Variants in C3orf52 observed in about 807,000 individuals in gnomAD.
C3orf52 encodes chromosome 3 open reading frame 52.
C3orf52 carries 22 observed loss-of-function variants against 24.8 expected under a neutral mutation model. That is an observed-to-expected ratio of 0.89 (90% CI 0.63 to 1.27). The LOEUF (loss-of-function observed/expected upper bound fraction) is 1.27. C3orf52 is among the 50% of genes most tolerant of loss of function. The pLI is 0.00. For missense variants in C3orf52, 265 were observed against 260.7 expected, an observed-to-expected ratio of 1.02 and a Z score of -0.11; for synonymous variants, 93 against 100.2, an observed-to-expected ratio of 0.93 and a Z score of 0.43.
intron 3 of C3orf52, among the ~76,000 whole-genome samples, chr3:112,103,783 A>T (rs2074000356): frequency 6.6e-6 from 1 of 152,198 alleles, no homozygotes; most frequent in African/African-American, 2.4e-5. Flanking sequence ...AAAGCATGGG[A>T]CATTAAAGGA....
chr3:112,107,874 T>C (rs1172272422), intron 3 of C3orf52, among the ~76,000 whole-genome samples: 1 of 152,222 alleles, frequency 6.6e-6, no homozygotes, highest in Non-Finnish European at 1.5e-5. Context: ...TGGGAGTGTA[T>C]TGTGGAAGTG....
intron 4 of C3orf52, among the ~76,000 whole-genome samples, chr3:112,127,251 T>C (rs1344177165): frequency 1.3e-5 from 2 of 152,218 alleles, no homozygotes; most frequent in Non-Finnish European, 2.9e-5. Flanking sequence ...TCCTCCTCTC[T>C]TTCTTTTCTA....
At chr3:112,126,883 T>C in intron 4 of C3orf52, 4 of 812,608 alleles carry the variant, frequency 4.9e-6, no homozygotes, top group Non-Finnish European at 8.5e-6. Flanking sequence ...TGTGTAGATA[T>C]TGTAATTGAA....
downstream of C3orf52, among the ~76,000 whole-genome samples, chr3:112,131,505 A>G (rs2074450697): frequency 6.6e-6 from 1 of 152,188 alleles, no homozygotes; most frequent in South Asian, 2.1e-4. Context: ...TAATGAATTT[A>G]TTTTTAAGAC....
At chr3:112,128,802 A>G (rs545252712), downstream of C3orf52, 1 of 154,664 alleles carries the variant, frequency 6.5e-6, no homozygotes, top group South Asian at 2.0e-4. Flanking sequence ...ACATTAATGT[A>G]TAAGTATCAT....
intron 2 of C3orf52, among the ~76,000 whole-genome samples, chr3:112,100,833 G>A (rs914312349): frequency 2.0e-5 from 3 of 152,146 alleles, no homozygotes; most frequent in African/African-American, 7.2e-5. Context: ...AAGCACATGG[G>A]AAATGGCTTT....
chr3:112,127,426 A>G (rs2107806851), intron 4 of C3orf52, among the ~76,000 whole-genome samples: 1 of 152,284 alleles, frequency 6.6e-6, no homozygotes, highest in South Asian at 2.1e-4. Context: ...AAAACAAACA[A>G]ACAAATAAAC....
At chr3:112,130,231 C>G (rs1006404247), downstream of C3orf52, 11 of 578,720 alleles carry the variant, frequency 1.9e-5, no homozygotes, top group Non-Finnish European at 2.8e-5. Context: ...GTTCCTGTTG[C>G]TAGGAGTTAC....
At chr3:112,100,598 A>G (rs997678732) in intron 2 of C3orf52, among the ~76,000 whole-genome samples, 2 of 152,186 alleles carry the variant, frequency 1.3e-5, no homozygotes, top group African/African-American at 4.8e-5. Context: ...TGAGTTTAGC[A>G]GTTATTTGAA....
At chr3:112,103,047 G>C (rs2073989170) in intron 3 of C3orf52, 82 bp downstream of exon 3, 1 of 1,310,594 alleles carries the variant, frequency 7.6e-7, no homozygotes, top group South Asian at 1.4e-5. Context: ...TAGAGCTATA[G>C]AGTAAGTAGC....
At chr3:112,100,940 A>C (rs1194377985) in intron 2 of C3orf52, among the ~76,000 whole-genome samples, 1 of 152,220 alleles carries the variant, frequency 6.6e-6, no homozygotes, top group Non-Finnish European at 1.5e-5. Context: ...AGGACCTTAA[A>C]TATATAATAT....
At chr3:112,097,238 T>C (rs1053156344) in intron 2 of C3orf52, among the ~76,000 whole-genome samples, 2 of 152,176 alleles carry the variant, frequency 1.3e-5, no homozygotes, top group Non-Finnish European at 2.9e-5. Context: ...ACCCTAGTCA[T>C]GGAGAGGTGA....
intron 3 of C3orf52, 84 bp downstream of exon 3, chr3:112,103,049 G>A (rs954151636): frequency 2.4e-6 from 3 of 1,272,134 alleles, no homozygotes; most frequent in Admixed American, 2.5e-5. Context: ...GAGCTATAGA[G>A]TAAGTAGCTT....
At chr3:112,109,733 A>G (rs2074060026) in intron 4 of C3orf52, 120 bp downstream of exon 4, 3 of 618,494 alleles carry the variant, frequency 4.9e-6, no homozygotes, top group East Asian at 2.9e-5. Context: ...GGAACCTGTA[A>G]TAGAATCACA....
rs115538811 is a variant in C3orf52 at position 112,099,259 on chromosome 3, G to A, written c.269-3579G>A. Among the ~76,000 whole-genome samples the A allele has an allele frequency of 6.9e-3, 1,054 of 152,230 alleles. 11 individuals are homozygous for A. The highest frequency in any genetic ancestry group is 0.011 in the Non-Finnish European group (717 of 68,014). On this transcript the variant is annotated intron_variant, in intron 2 of 5. Transcript: ENST00000264848. ...CAGTCTCAGGTAGTTCTTTATAGCA[G>A]TGTGAGAATGGACTAATACACGCTC...
downstream of C3orf52, chr3:112,121,812 T>C (rs537351286): frequency 6.6e-6 from 1 of 152,302 alleles, no homozygotes; most frequent in Non-Finnish European, 1.5e-5. Context: ...TTCTCCTCTT[T>C]TGGGAGTCAG....
chr3:112,130,402 C>T (rs758617667), downstream of C3orf52: 81 of 1,543,470 alleles, frequency 5.2e-5, no homozygotes, highest in Non-Finnish European at 7.1e-5. Context: ...CTTCGTTCTC[C>T]TTGGGCAAGG....
Position 112,102,927 on chromosome 3 carries a change from G to A in C3orf52, c.358G>A (p.Val120Ile), listed in dbSNP as rs2073987592. 8 of 1,612,062 alleles carry A rather than the reference G, an allele frequency of 5.0e-6. No individual in the cohort carries two copies. Among genetic ancestry groups the A allele is most frequent in the Non-Finnish European group, 6.8e-6 (8 of 1,179,136 alleles). ...CATGCTGAAGATTCCAGAGGAGTGTGTTGCTGAAGAGGAATTGCCTCACCT... is the reference window on the plus strand; with the variant it reads ...CATGCTGAAGATTCCAGAGGAGTGTATTGCTGAAGAGGAATTGCCTCACCT... Reference protein sequence around the residue: ...FIMLKIPEECVAEEELPHLLT... With the variant: ...FIMLKIPEECIAEEELPHLLT... The change falls in exon 3 of 6, where the codon GTT becomes ATT. Residue 120 changes from valine (V) to isoleucine (I), a missense_variant. By Grantham distance (29) the Val-to-Ile change is conservative (BLOSUM62 3). Transcript: ENST00000264848.
chr3:112,104,697 A>G (rs1487489045), intron 3 of C3orf52, among the ~76,000 whole-genome samples: 2 of 151,954 alleles, frequency 1.3e-5, no homozygotes, highest in Non-Finnish European at 2.9e-5. Context: ...TTACATGAAT[A>G]AGTTCTTTGG....
Sources: gnomAD v4.1 joint callset for allele counts (sites outside exome capture counted in the v4.1 genomes callset) on GRCh38, gnomAD v4.1.1 for gene constraint, MANE v1.5 for transcripts, NCBI Gene and HGNC (gene_info 2026-07-23, HGNC 2026-07-21) for gene names.